Variants in LAMA2 observed in about 807,000 individuals in gnomAD.
LAMA2 encodes the protein laminin subunit alpha 2.
In LAMA2, 269 loss-of-function variants were observed where a neutral mutation model predicts 364.8. That is an observed-to-expected ratio of 0.74 (90% CI 0.67 to 0.82). The LOEUF (loss-of-function observed/expected upper bound fraction) is 0.82, where lower values mean the gene tolerates loss of function less well. Among genes scored for constraint, LAMA2 ranks in the 40% least tolerant of loss-of-function variants. LAMA2 has a pLI of 0.00. For missense variants in LAMA2, 3,807 were observed against 3,873.2 expected, an observed-to-expected ratio of 0.98 and a Z score of 0.45; for synonymous variants, 1,379 against 1,370.6, an observed-to-expected ratio of 1.01 and a Z score of -0.14.
rs754360372 is a variant in LAMA2 at position 129,252,077 on chromosome 6, C to T, written c.1885-7C>T. 3 of 1,602,610 alleles carry T rather than the reference C, an allele frequency of 1.9e-6. No homozygotes were observed. The highest frequency in any genetic ancestry group is 2.7e-5 in the African/African-American group (2 of 74,602). On this transcript the variant is annotated splice_polypyrimidine_tract_variant and splice_region_variant and intron_variant, in intron 13 of 64. Coordinates refer to ENST00000421865, the MANE Select transcript of LAMA2 (RefSeq NM_000426.4). Reference sequence around the variant, plus strand: ...CTCTTTTTTATTTCTTTTTTTTCCCCCTTTAGGGTAATGACTTGAGCATCA... The same window carrying T: ...CTCTTTTTTATTTCTTTTTTTTCCCTCTTTAGGGTAATGACTTGAGCATCA...
At chr6:129,157,914 C>A in intron 8 of LAMA2, 2 of 1,614,188 alleles carry the variant, frequency 1.2e-6, no homozygotes, top group Non-Finnish European at 1.7e-6. Context: ...GCGTTTGGTG[C>A]CCACCCTGGT....
intron 32 of LAMA2, among the ~76,000 whole-genome samples, chr6:129,363,542 G>A (rs1681934162): frequency 6.6e-6 from 1 of 152,190 alleles, no homozygotes; most frequent in South Asian, 2.1e-4. Context: ...GGTAGAGCCC[G>A]ATTATACATT....
chr6:128,941,943 T>C (rs529119378), intron 1 of LAMA2, among the ~76,000 whole-genome samples: 1 of 152,252 alleles, frequency 6.6e-6, no homozygotes, highest in African/African-American at 2.4e-5. Flanking sequence ...AATCTTAGCT[T>C]GAAAAGAGGA....
At chr6:129,471,807 TTTC>T (rs1783826265) in intron 51 of LAMA2, among the ~76,000 whole-genome samples, 1 of 151,990 alleles carries the variant, frequency 6.6e-6, no homozygotes, top group African/African-American at 2.4e-5. Flanking sequence ...TTTAGGTATT[TTTC>T]TTGTTTGTTT....
rs1218110933 is a variant in LAMA2, at chr6:128,883,791, T to TACACAC, written c.112+435_112+436insCACACA. On this transcript the variant is annotated intron_variant, in intron 1 of 64. Coordinates refer to ENST00000421865, the MANE Select transcript of LAMA2 (RefSeq NM_000426.4). ...GCTGATGCATCAAAAAAAAATTATA[T>TACACAC]ATATATATATACACACACACACACA... 2.4e-5 allele frequency among the ~76,000 whole-genome samples: 3 copies of TACACAC among 127,450 alleles called. No homozygotes were observed. The South Asian group carries it at 6.9e-4, about 29-fold the overall frequency. 83.6% of individuals were successfully genotyped at this position (127,450 alleles called of 152,430 possible). A position where few individuals can be genotyped will look rare whatever the true frequency, so the allele number is the denominator to read the frequency against.
At chr6:129,184,743 C>T (rs1781130633) in intron 10 of LAMA2, among the ~76,000 whole-genome samples, 1 of 151,816 alleles carries the variant, frequency 6.6e-6, no homozygotes, top group African/African-American at 2.4e-5. Context: ...GGAATGGAGG[C>T]TAGTTCTTTA....
chr6:129,235,879 A>C (rs1348793680), intron 12 of LAMA2, among the ~76,000 whole-genome samples: 1 of 152,180 alleles, frequency 6.6e-6, no homozygotes, highest in Non-Finnish European at 1.5e-5. Flanking sequence ...AGACTCTGCC[A>C]AGGCTATTTA....
intron 1 of LAMA2, among the ~76,000 whole-genome samples, chr6:129,047,276 T>G (rs1359852686): frequency 6.6e-6 from 1 of 152,230 alleles, no homozygotes; most frequent in Non-Finnish European, 1.5e-5. Flanking sequence ...TAATACTTTA[T>G]GAATGTTTAA....
At chr6:129,298,249 T>C (rs1773328686) in intron 21 of LAMA2, among the ~76,000 whole-genome samples, 1 of 105,788 alleles carries the variant, frequency 9.5e-6, no homozygotes, top group Admixed American at 1.0e-4. Context: ...CTTTTTCCTA[T>C]TGCAAAATTG....
At chr6:129,209,397 G>C (rs149959185) in intron 12 of LAMA2, among the ~76,000 whole-genome samples, 172 of 152,236 alleles carry the variant, frequency 1.1e-3, no homozygotes, top group African/African-American at 3.9e-3. Context: ...CTTAACACAA[G>C]AAATAATTTC....
At chr6:129,488,183 G>A (rs544814017) in intron 56 of LAMA2, among the ~76,000 whole-genome samples, 14 of 152,106 alleles carry the variant, frequency 9.2e-5, no homozygotes, top group South Asian at 4.2e-4. Context: ...GGTGGTAGGC[G>A]CCTGTAATCA....
intron 28 of LAMA2, among the ~76,000 whole-genome samples, chr6:129,325,950 G>A (rs374660634): frequency 5.3e-5 from 8 of 152,130 alleles, no homozygotes; most frequent in African/African-American, 9.6e-5. Context: ...AGCGATGCTC[G>A]TGCCTCAGCC....
intron 3 of LAMA2, among the ~76,000 whole-genome samples, chr6:129,070,736 C>T (rs865917125): frequency 3.6e-4 from 55 of 151,996 alleles, no homozygotes; most frequent in African/African-American, 1.3e-3. Context: ...TGCAACTTTC[C>T]ATTTTAGATA....
chr6:129,303,054 C>T (rs1474182725), intron 22 of LAMA2, among the ~76,000 whole-genome samples: 1 of 152,032 alleles, frequency 6.6e-6, no homozygotes, highest in Non-Finnish European at 1.5e-5. Context: ...GAAGAATTGA[C>T]AGCTTAAAAG....
chr6:129,483,077 A>G (rs926307043), intron 55 of LAMA2, among the ~76,000 whole-genome samples: 2 of 151,490 alleles, frequency 1.3e-5, no homozygotes, highest in Non-Finnish European at 2.9e-5. Context: ...GAAAAAAAAA[A>G]AAAAAGAAAA....
At chr6:129,050,144 T>C in intron 2 of LAMA2, 56 bp downstream of exon 2, 1 of 1,548,272 alleles carries the variant, frequency 6.5e-7, no homozygotes, top group East Asian at 2.2e-5. Context: ...AATTGTGAGA[T>C]GTTGAGGCCA....
chr6:129,402,296 T>C (rs777187188), intron 38 of LAMA2, 28 bp from the exon 39 acceptor site: 3 of 1,601,142 alleles, frequency 1.9e-6, no homozygotes, highest in Non-Finnish European at 2.6e-6. Context: ...ATTCACTTGC[T>C]TAAAATGCCC....
At chr6:129,459,751 A>G (rs984084046) in intron 48 of LAMA2, among the ~76,000 whole-genome samples, 1 of 152,052 alleles carries the variant, frequency 6.6e-6, no homozygotes, top group Non-Finnish European at 1.5e-5. Context: ...AATTTGCCCA[A>G]AGAAAATTAT....
intron 12 of LAMA2, among the ~76,000 whole-genome samples, chr6:129,208,856 T>C (rs1415925319): frequency 6.6e-6 from 1 of 152,108 alleles, no homozygotes; most frequent in Admixed American, 6.5e-5. Context: ...CTCATATCTG[T>C]CTAATTTTTA....
Sources: gnomAD v4.1 joint callset for allele counts (sites outside exome capture counted in the v4.1 genomes callset) on GRCh38, gnomAD v4.1.1 for gene constraint, MANE v1.5 for transcripts, NCBI Gene and HGNC (gene_info 2026-07-23, HGNC 2026-07-21) for gene names.